KIAA0319: variants seen among roughly 807,000 people sequenced by gnomAD.
KIAA0319 encodes dyslexia-associated protein KIAA0319.
A neutral mutation model predicts 108.4 loss-of-function variants in KIAA0319; 83 were observed. That is an observed-to-expected ratio of 0.77 (90% confidence interval 0.64 to 0.92). The LOEUF (loss-of-function observed/expected upper bound fraction) is 0.92. Among genes scored for constraint, KIAA0319 ranks in the 40% least tolerant of loss-of-function variants. The probability of loss-of-function intolerance (pLI) is 0.00; values close to 1 mark genes in which losing one functional copy is unlikely to be tolerated. For missense variants in KIAA0319, 1,195 were observed against 1,322.4 expected, an observed-to-expected ratio of 0.90 and a Z score of 1.49; for synonymous variants, 484 against 510.4, an observed-to-expected ratio of 0.95 and a Z score of 0.70.
At chr6:24,629,514 CAA>C (rs397974257) in intron 1 of KIAA0319, among the ~76,000 whole-genome samples, 4 of 42,394 alleles carry the variant, frequency 9.4e-5, no homozygotes, top group Non-Finnish European at 1.6e-4. Context: ...GACTCTGTCT[CAA>C]AAAAAAAAAA....
chr6:24,557,141 G>A (rs1188454932), intron 17 of KIAA0319, among the ~76,000 whole-genome samples: 2 of 152,126 alleles, frequency 1.3e-5, no homozygotes, highest in Non-Finnish European at 2.9e-5. Context: ...GGAGTTGGAG[G>A]TTGCAGTGAG....
chr6:24,632,441 A>G (rs1024808088), intron 1 of KIAA0319, among the ~76,000 whole-genome samples: 16 of 152,196 alleles, frequency 1.1e-4, no homozygotes, highest in African/African-American at 3.9e-4. Context: ...ATCAATGAGT[A>G]AGGAATATAA....
intron 10 of KIAA0319, among the ~76,000 whole-genome samples, chr6:24,573,915 G>A (rs1765096390): frequency 6.6e-6 from 1 of 151,964 alleles, no homozygotes. Flanking sequence ...AGGAGTTCAA[G>A]ACCAGCCTGG....
rs1770234359 is a variant in KIAA0319, at chr6:24,599,260, C to T, written c.55+1789G>A. The T allele has an allele frequency of 2.0e-6, 1 of 497,132 alleles. No homozygotes were observed. Among genetic ancestry groups the T allele is most frequent in the South Asian group, 2.0e-5 (1 of 50,412 alleles). 30.8% of individuals were successfully genotyped at this position (497,132 alleles called of 1,614,324 possible). A position where few individuals can be genotyped will look rare whatever the true frequency, so the allele number is the denominator to read the frequency against. ...AAGCACAGGGATGACCTGTGTTATACAAAGATGGAGATCTCTGAGATGAAT... is the reference window on the plus strand; with the variant it reads ...AAGCACAGGGATGACCTGTGTTATATAAAGATGGAGATCTCTGAGATGAAT... On this transcript the variant is annotated intron_variant, in intron 2 of 20. Coordinates refer to ENST00000378214, the MANE Select transcript of KIAA0319 (RefSeq NM_014809.4). The surrounding 1 kb of genome is among the most constrained non-coding windows in gnomAD (Gnocchi z 4.1).
intron 1 of KIAA0319, among the ~76,000 whole-genome samples, chr6:24,618,647 C>T (rs1773492607): frequency 6.6e-6 from 1 of 151,590 alleles, no homozygotes; most frequent in Non-Finnish European, 1.5e-5. Context: ...AACAAAAACA[C>T]ACAAAAAGTA....
At chr6:24,567,698 G>A (rs538430476) in intron 13 of KIAA0319, among the ~76,000 whole-genome samples, 1 of 152,144 alleles carries the variant, frequency 6.6e-6, no homozygotes, top group South Asian at 2.1e-4. Context: ...GAGACCCTGG[G>A]TCTATTTTAA....
intron 1 of KIAA0319, among the ~76,000 whole-genome samples, chr6:24,610,824 A>G (rs1772189707): frequency 6.6e-6 from 1 of 152,204 alleles, no homozygotes; most frequent in African/African-American, 2.4e-5. Context: ...GCCAAAAAGT[A>G]GAAACAACCC....
chr6:24,560,109 T>C (rs998415704), intron 16 of KIAA0319, among the ~76,000 whole-genome samples: 12 of 152,238 alleles, frequency 7.9e-5, no homozygotes, highest in African/African-American at 2.9e-4. Context: ...CATCAGCTGG[T>C]GGACACTTGA....
intron 1 of KIAA0319, among the ~76,000 whole-genome samples, chr6:24,643,407 T>C (rs1381092717): frequency 6.6e-6 from 1 of 152,128 alleles, no homozygotes; most frequent in Non-Finnish European, 1.5e-5. Context: ...AAAACTGCAC[T>C]TGTACACTCT....
chr6:24,550,570 GAAGA>G (rs1364351104), intron 20 of KIAA0319, among the ~76,000 whole-genome samples: 5 of 152,336 alleles, frequency 3.3e-5, no homozygotes, highest in Admixed American at 2.6e-4. Context: ...TACACTTTGT[GAAGA>G]AAGTCAATTT....
At chr6:24,588,519 T>C (rs1767911754) in intron 4 of KIAA0319, 74 bp downstream of exon 4, 10 of 1,334,276 alleles carry the variant, frequency 7.5e-6, no homozygotes, top group Non-Finnish European at 9.6e-6. Context: ...TGAGTAAACT[T>C]TAAAAGTTGT....
intron 4 of KIAA0319, 102 bp downstream of exon 4, chr6:24,588,491 A>T: frequency 1.1e-6 from 1 of 937,064 alleles, no homozygotes; most frequent in Non-Finnish European, 1.7e-6. Flanking sequence ...AGATGCTGAA[A>T]AATGTGCCTG....
intron 2 of KIAA0319, chr6:24,597,917 CAAAAAAAAAAAAAAA>C (rs540860751): frequency 2.4e-3 from 79 of 32,452 alleles, no homozygotes; most frequent in South Asian, 0.018. Flanking sequence ...GACCCTATCT[CAAAAAAAAAAAAAAA>C]AAAAAAAAAA....
At chr6:24,604,202 C>G (rs1218300343) in intron 1 of KIAA0319, among the ~76,000 whole-genome samples, 1 of 152,174 alleles carries the variant, frequency 6.6e-6, no homozygotes, top group South Asian at 2.1e-4. Context: ...AAGTTTGCCA[C>G]CAATAACTCC....
chr6:24,634,997 C>T (rs771375232), intron 1 of KIAA0319, among the ~76,000 whole-genome samples: 57 of 152,150 alleles, frequency 3.7e-4, no homozygotes, highest in Non-Finnish European at 7.8e-4. Context: ...CAAATCAGCA[C>T]TTTACATAAG....
chr6:24,588,818 T>TAAAAAAA, intron 3 of KIAA0319, 33 bp from the exon 4 acceptor site: 1 of 1,401,476 alleles, frequency 7.1e-7, no homozygotes, highest in Non-Finnish European at 9.7e-7. Context: ...AAATTGTTAT[T>TAAAAAAA]AAAAAAAAAA....
In KIAA0319 at chr6:24,599,358, G is replaced by T; in HGVS notation, c.55+1691C>A. 1.9e-6 allele frequency: 1 copy of T among 526,202 alleles called. No homozygotes were observed. The highest frequency in any genetic ancestry group is 1.7e-5 in the South Asian group (1 of 59,382). 32.6% of individuals were successfully genotyped at this position (526,202 alleles called of 1,614,324 possible). A position where few individuals can be genotyped will look rare whatever the true frequency, so the allele number is the denominator to read the frequency against. On this transcript the variant is annotated intron_variant, in intron 2 of 20. Transcript: ENST00000378214. The surrounding 1 kb of genome is among the most constrained non-coding windows in gnomAD (Gnocchi z 4.1). ...GAGGGCTTCCCTAGAGGCCACCATT[G>T]TGGATGCGGAGAAGCGTGGGGAGCT... is the stretch of plus-strand genomic sequence containing the variant.
intron 13 of KIAA0319, among the ~76,000 whole-genome samples, chr6:24,568,199 T>A (rs1333684949): frequency 6.6e-6 from 1 of 152,154 alleles, no homozygotes; most frequent in East Asian, 1.9e-4. Context: ...CCAGCCAGGC[T>A]CTTATACTCC....
chr6:24,630,528 A>AAG lies in KIAA0319; in HGVS notation c.-106+15207_-106+15208insCT, dbSNP rs1775402590. On this transcript the variant is annotated intron_variant, in intron 1 of 20. Coordinates refer to ENST00000378214, the MANE Select transcript of KIAA0319 (RefSeq NM_014809.4). ...TGTCTCAAAAAAAAAAAAAAAAAAA[A>AAG]AAAGAAAGAACGAAAGAAAAAAGAA... Among the ~76,000 whole-genome samples, 3 of 137,244 alleles carry AAG rather than the reference A, an allele frequency of 2.2e-5. No homozygotes were observed. In the Admixed American group the frequency reaches 2.2e-4, roughly 10 times the overall value. The allele number at this position is 137,244 out of a possible 152,430, so 90.0% of individuals were successfully genotyped here. A position where few individuals can be genotyped will look rare whatever the true frequency, so the allele number is the denominator to read the frequency against.
Sources: allele counts gnomAD v4.1 joint callset (sites outside exome capture counted in the v4.1 genomes callset), GRCh38; gene constraint gnomAD v4.1.1; non-coding constraint Gnocchi (gnomAD v3.1); transcripts MANE v1.5; gene names NCBI Gene and HGNC (gene_info 2026-07-23, HGNC 2026-07-21).